Variants in CUL2 observed in about 807,000 individuals in gnomAD.
CUL2 encodes the protein cullin-2.
In CUL2, 22 loss-of-function variants were observed where a neutral mutation model predicts 110.2. The observed-to-expected ratio is 0.20, with a 90% CI of 0.14 to 0.28. CUL2 has a LOEUF of 0.28. Ranked by LOEUF, CUL2 falls within the 10% of genes least tolerant of loss-of-function variation. The pLI is 1.00. For missense variants in CUL2, 631 were observed against 905.5 expected, an observed-to-expected ratio of 0.70 and a Z score of 3.89; for synonymous variants, 279 against 293.2, an observed-to-expected ratio of 0.95 and a Z score of 0.49.
intron 5 of CUL2, among the ~76,000 whole-genome samples, chr10:35,051,612 AAACAACAAC>A (rs561771748): frequency 6.6e-6 from 1 of 152,112 alleles, no homozygotes; most frequent in East Asian, 1.9e-4. Flanking sequence ...CTCCGTCTCA[AAACAACAAC>A]AACAACAACA....
chr10:35,125,803 G>A (rs1219585772), intron 1 of CUL2, among the ~76,000 whole-genome samples: 1 of 152,118 alleles, frequency 6.6e-6, no homozygotes. Flanking sequence ...CTATAACCAT[G>A]CTGCTATTCT....
At chr10:35,037,103 G>A in intron 9 of CUL2, among the ~76,000 whole-genome samples, 1 of 152,104 alleles carries the variant, frequency 6.6e-6, no homozygotes, top group East Asian at 1.9e-4. Flanking sequence ...CTGTCTCAAG[G>A]TTATGAAGAT....
chr10:35,048,134 T>G (rs1208391325), intron 6 of CUL2, among the ~76,000 whole-genome samples: 1 of 152,168 alleles, frequency 6.6e-6, no homozygotes, highest in South Asian at 2.1e-4. Flanking sequence ...GTAAAATTTT[T>G]AGCACAATGC....
chr10:35,049,998 G>A (rs2134843393), intron 5 of CUL2, among the ~76,000 whole-genome samples: 1 of 152,180 alleles, frequency 6.6e-6, no homozygotes, highest in Non-Finnish European at 1.5e-5. Flanking sequence ...ATTATTAGTT[G>A]AAAATCTTAA....
chr10:35,073,920 T>TC (rs1440135946), intron 1 of CUL2, among the ~76,000 whole-genome samples: 1 of 152,154 alleles, frequency 6.6e-6, no homozygotes, highest in Non-Finnish European at 1.5e-5. Context: ...CTCCCCATTT[T>TC]CTGAATAAGA....
chr10:35,029,859 C>A (rs912499880), intron 14 of CUL2, among the ~76,000 whole-genome samples: 1 of 152,176 alleles, frequency 6.6e-6, no homozygotes, highest in African/African-American at 2.4e-5. Context: ...TGAATAAAAA[C>A]CACCTATCTA....
In CUL2 at chr10:35,028,948, A is replaced by G. The variant is rs574991269; in HGVS notation, c.1540-61T>C. ...GGATCAACATCTAAATTCAAAGTAA[A>G]TATTTATTAAATAATCTAAGCATCT... On this transcript the variant is annotated intron_variant, in intron 15 of 20. Coordinates refer to ENST00000374749, the MANE Select transcript of CUL2 (RefSeq NM_003591.4). The G allele has an allele frequency of 1.5e-5, 15 of 1,008,172 alleles. No individual in the cohort carries two copies. In the Middle Eastern group the frequency reaches 8.8e-4, roughly 59 times the overall value. The allele number at this position is 1,008,172 out of a possible 1,614,324, so 62.5% of individuals were successfully genotyped here.
At chr10:35,068,058 C>T (rs1407851507) in intron 2 of CUL2, among the ~76,000 whole-genome samples, 1 of 141,734 alleles carries the variant, frequency 7.1e-6, no homozygotes, top group East Asian at 2.1e-4. Flanking sequence ...TGCAGTGAGC[C>T]GAGATCGAGC....
At chr10:35,068,510 G>A (rs997245036) in intron 2 of CUL2, among the ~76,000 whole-genome samples, 1 of 152,216 alleles carries the variant, frequency 6.6e-6, no homozygotes, top group African/African-American at 2.4e-5. Flanking sequence ...TGTGAACTTA[G>A]AGGGTCACGT....
At chr10:35,034,561 A>G (rs2134738437) in intron 10 of CUL2, among the ~76,000 whole-genome samples, 1 of 152,304 alleles carries the variant, frequency 6.6e-6, no homozygotes, top group East Asian at 1.9e-4. Context: ...ATTTGAAGTT[A>G]TTTCTCTCTT....
intron 8 of CUL2, 48 bp from the exon 9 acceptor site, chr10:35,039,130 G>C (rs753391185): frequency 8.0e-7 from 1 of 1,257,186 alleles, no homozygotes; most frequent in Admixed American, 2.8e-5. Context: ...TTTACTATGA[G>C]GAAAAATCTG....
At chr10:35,097,813 G>C (rs1229807718) in intron 2 of CUL2, among the ~76,000 whole-genome samples, 1 of 151,902 alleles carries the variant, frequency 6.6e-6, no homozygotes, top group Non-Finnish European at 1.5e-5. Context: ...ACAAAAATTA[G>C]CCAGGCTTGG....
chr10:35,111,753 T>C (rs1277961892), intron 1 of CUL2, among the ~76,000 whole-genome samples: 3 of 152,138 alleles, frequency 2.0e-5, no homozygotes, highest in African/African-American at 4.8e-5. Context: ...CTGGGCGTGG[T>C]GTGGCATGTG....
At chr10:35,063,300 A>C (rs903679607) in intron 2 of CUL2, among the ~76,000 whole-genome samples, 42 of 152,336 alleles carry the variant, frequency 2.8e-4, no homozygotes, top group African/African-American at 1.0e-3. Context: ...AGACACTGTA[A>C]GGAAAATGGT....
intron 1 of CUL2, among the ~76,000 whole-genome samples, chr10:35,115,767 C>T (rs953223966): frequency 3.3e-5 from 5 of 151,878 alleles, no homozygotes; most frequent in Non-Finnish European, 5.9e-5. Context: ...GTGGCACACA[C>T]TTGTAGTTCT....
At chr10:35,106,491 T>C (rs1346445716) in intron 1 of CUL2, among the ~76,000 whole-genome samples, 1 of 151,276 alleles carries the variant, frequency 6.6e-6, no homozygotes, top group Non-Finnish European at 1.5e-5. Context: ...GGCTAATTTT[T>C]TTTTTTCTTT....
chr10:35,021,831 C>CGAGGCGAGGCGAGGT (rs1554853871), intron 17 of CUL2, among the ~76,000 whole-genome samples: 16 of 66,378 alleles, frequency 2.4e-4, no homozygotes, highest in African/African-American at 8.9e-4. Flanking sequence ...TGAGGTGAGG[C>CGAGGCGAGGCGAGGT]GAGGTGAGGT....
intron 9 of CUL2, among the ~76,000 whole-genome samples, chr10:35,035,993 A>C (rs2134746009): frequency 6.6e-6 from 1 of 152,310 alleles, no homozygotes; most frequent in African/African-American, 2.4e-5. Context: ...AAGTATACAA[A>C]CCATAAGTGT....
intron 1 of CUL2, among the ~76,000 whole-genome samples, chr10:35,122,300 T>C (rs2087687284): frequency 6.6e-6 from 1 of 152,250 alleles, no homozygotes; most frequent in Non-Finnish European, 1.5e-5. Context: ...TGCTAAATCT[T>C]GAGATCTGTG....
Sources: gnomAD v4.1 joint callset for allele counts (sites outside exome capture counted in the v4.1 genomes callset) on GRCh38, gnomAD v4.1.1 for gene constraint, MANE v1.5 for transcripts, NCBI Gene and HGNC (gene_info 2026-07-23, HGNC 2026-07-21) for gene names.